DST: variants seen among roughly 807,000 people sequenced by gnomAD.
The protein encoded by DST is bullous pemphigoid antigen.
Under a neutral mutation model 875.2 loss-of-function variants are expected in DST, and 253 were observed. That is an observed-to-expected ratio of 0.29 (90% CI 0.26 to 0.32). The LOEUF (loss-of-function observed/expected upper bound fraction) is 0.32, where lower values mean the gene tolerates loss of function less well. Among genes scored for constraint, DST ranks in the 10% least tolerant of loss-of-function variants. DST has a pLI of 1.00. For synonymous variants in DST, 3,124 were observed against 3,197.1 expected, an observed-to-expected ratio of 0.98 and a Z score of 0.77; for missense variants, 8,287 against 9,111.6, an observed-to-expected ratio of 0.91 and a Z score of 3.68.
At chr6:56,741,688 C>T (rs2152938206) in intron 4 of DST, among the ~76,000 whole-genome samples, 1 of 152,276 alleles carries the variant, frequency 6.6e-6, no homozygotes, top group Non-Finnish European at 1.5e-5. Context: ...AATTACAAGT[C>T]TCATAATGGT....
intron 50 of DST, 28 bp from the exon 51 acceptor site, chr6:56,573,915 C>A (rs757143855): frequency 6.5e-7 from 1 of 1,535,050 alleles, no homozygotes; most frequent in South Asian, 1.2e-5. Context: ...GGAATATTAA[C>A]CACAAAGTTC....
intron 2 of DST, among the ~76,000 whole-genome samples, chr6:56,933,460 C>T (rs1202329402): frequency 6.6e-6 from 1 of 152,252 alleles, no homozygotes; most frequent in Non-Finnish European, 1.5e-5. Flanking sequence ...AAATGCCCTC[C>T]TTTCTTCCAC....
chr6:56,758,020 T>C (rs1402215363), intron 4 of DST, among the ~76,000 whole-genome samples: 1 of 152,162 alleles, frequency 6.6e-6, no homozygotes, highest in Non-Finnish European at 1.5e-5. Flanking sequence ...AATGGAAAAT[T>C]TCCCAGGAAA....
chr6:56,539,304 TTTAA>T (rs1181583059), intron 61 of DST, among the ~76,000 whole-genome samples: 2 of 152,338 alleles, frequency 1.3e-5, no homozygotes, highest in South Asian at 2.1e-4. Flanking sequence ...TCCCCTAAGA[TTTAA>T]TTGTTTTCTA....
chr6:56,649,420 TAA>T (rs1563452252), intron 12 of DST, among the ~76,000 whole-genome samples: 2 of 152,184 alleles, frequency 1.3e-5, no homozygotes, highest in Non-Finnish European at 2.9e-5. Flanking sequence ...AGTATTTAAT[TAA>T]GTGTTGAAAT....
chr6:56,597,680 T>G, intron 47 of DST, 60 bp downstream of exon 47: 1 of 1,539,758 alleles, frequency 6.5e-7, no homozygotes, highest in East Asian at 2.3e-5. Context: ...GCTAGGTTAT[T>G]TCTCTCTTTA....
chr6:56,670,430 C>T (rs2099095715), intron 10 of DST: 1 of 361,790 alleles, frequency 2.8e-6, no homozygotes, highest in African/African-American at 2.1e-5. Context: ...AACTCCCAGG[C>T]TCAAGCAATC....
chr6:56,871,567 ACTG>A, intron 3 of DST: 1 of 957,044 alleles, frequency 1.0e-6, no homozygotes, highest in Non-Finnish European at 1.7e-6. Flanking sequence ...CCTAAGACAC[ACTG>A]CTGGACCTAC....
intron 2 of DST, among the ~76,000 whole-genome samples, chr6:56,940,021 G>A (rs900815358): frequency 6.0e-5 from 9 of 150,670 alleles, no homozygotes; most frequent in Admixed American, 2.0e-4. Flanking sequence ...GCAAGACTCC[G>A]TCTCAAAAAA....
intron 75 of DST, 87 bp from the exon 76 acceptor site, chr6:56,506,876 TTTCTAGAAGGTGGCA>T (rs1228582030): frequency 9.1e-6 from 12 of 1,320,322 alleles, no homozygotes; most frequent in Non-Finnish European, 1.2e-5. Flanking sequence ...ATGGTAGTTA[TTTCTAGAAGGTGGCA>T]TTCTAATCAT....
chr6:56,560,383 T>C lies in DST; in HGVS notation c.14351A>G (p.Gln4784Arg). 1.2e-6 allele frequency: 2 copies of C among 1,605,026 alleles called. No individual in the cohort carries two copies. Among genetic ancestry groups the C allele is most frequent in the Non-Finnish European group, 1.7e-6 (2 of 1,174,872 alleles). The change falls in exon 58 of 104, where the codon CAG becomes CGG. Residue 4784 changes from glutamine (Q) to arginine (R), a missense_variant. Gln to Arg is a conservative substitution (Grantham distance 43). Around this residue, in one of 10 missense-constraint regions of DST, gnomAD observed 1,513 missense variants for 1,677.8 expected, o/e 0.90. Transcript: ENST00000680361. ...AELKQNVNKV[Q>R]ELKDKLTELL... ...CTCTGTCAATTTGTCTTTCAACTCC[T>C]GTACTTTGTTTACATTCTGCTTCAG... is the stretch of plus-strand genomic sequence containing the variant.
intron 9 of DST, among the ~76,000 whole-genome samples, chr6:56,687,010 C>A (rs1159702300): frequency 2.0e-5 from 3 of 152,186 alleles, no homozygotes; most frequent in Non-Finnish European, 4.4e-5. Context: ...CTCCCCTACT[C>A]TGCCAAGCTA....
intron 4 of DST, among the ~76,000 whole-genome samples, chr6:56,844,472 A>T (rs1377595101): frequency 6.6e-6 from 1 of 152,216 alleles, no homozygotes; most frequent in African/African-American, 2.4e-5. Flanking sequence ...AGTAAAATGG[A>T]TACAGTTCCC....
At chr6:56,712,061 A>G (rs989745704) in intron 5 of DST, among the ~76,000 whole-genome samples, 3 of 141,588 alleles carry the variant, frequency 2.1e-5, no homozygotes, top group African/African-American at 7.8e-5. Flanking sequence ...ACTGCACTCC[A>G]GCCTGGGCGA....
Position 56,458,941 on chromosome 6 carries a change from A to G in DST, c.*64T>C. ...TATTTCACAAGAATTTCTACACCAT[A>G]TTTTACATCGTTCAAACTTAAATAA... On this transcript the variant is annotated 3_prime_UTR_variant, in exon 104 of 104. Coordinates refer to ENST00000680361, the MANE Select transcript of DST (RefSeq NM_001374736.1). The G allele has an allele frequency of 6.9e-7, 1 of 1,458,688 alleles. No homozygotes were observed. The highest frequency in any genetic ancestry group is 9.1e-7 in the Non-Finnish European group (1 of 1,098,602). 90.4% of individuals were successfully genotyped at this position (1,458,688 alleles called of 1,614,324 possible).
chr6:56,906,516 AAG>A (rs2127705881), intron 2 of DST, among the ~76,000 whole-genome samples: 1 of 152,208 alleles, frequency 6.6e-6, no homozygotes, highest in East Asian at 1.9e-4. Context: ...TGGCCAAGGG[AAG>A]AGTCATTAGC....
intron 31 of DST, among the ~76,000 whole-genome samples, chr6:56,630,010 A>T (rs1366796154): frequency 6.6e-6 from 1 of 152,220 alleles, no homozygotes; most frequent in African/African-American, 2.4e-5. Context: ...CCTGCTGCCA[A>T]CATGAATTGA....
At chr6:56,896,561 G>C (rs1466374486) in intron 3 of DST, among the ~76,000 whole-genome samples, 1 of 152,168 alleles carries the variant, frequency 6.6e-6, no homozygotes, top group African/African-American at 2.4e-5. Context: ...GGCTGTACTA[G>C]TTTACATTCC....
At chr6:56,673,259 A>C (rs1029788775) in intron 9 of DST, among the ~76,000 whole-genome samples, 6 of 152,142 alleles carry the variant, frequency 3.9e-5, no homozygotes, top group African/African-American at 1.4e-4. Context: ...AAACAAAACA[A>C]AACAAAACAA....
Sources: allele counts gnomAD v4.1 joint callset (sites outside exome capture counted in the v4.1 genomes callset), GRCh38; gene constraint gnomAD v4.1.1; regional missense constraint gnomAD v4.1.1; transcripts MANE v1.5; gene names NCBI Gene and HGNC (gene_info 2026-07-23, HGNC 2026-07-21).